Variants in WDR83 observed in about 807,000 individuals in gnomAD.
WDR83 encodes the protein WD repeat domain 83.
WDR83 carries 37 observed loss-of-function variants against 37.7 expected under a neutral mutation model. The observed-to-expected ratio is 0.98, with a 90% CI of 0.76 to 1.29. WDR83 has a LOEUF of 1.29. WDR83 is among the 50% of genes most tolerant of loss of function. WDR83 has a pLI of 0.00. For missense variants in WDR83, 445 were observed against 414.4 expected (o/e 1.07, Z -0.64); for synonymous variants, 174 against 181.1 (o/e 0.96, Z 0.31).
intron 2 of WDR83, chr19:12,669,403 T>G: frequency 5.6e-6 from 9 of 1,595,848 alleles, no homozygotes; most frequent in Non-Finnish European, 6.8e-6. Flanking sequence ...TTAGTGGACA[T>G]AGCGAGTCGA....
At chr19:12,669,696 G>C (rs142536089) in intron 2 of WDR83, 59 bp from the exon 3 acceptor site, 79 of 1,319,868 alleles carry the variant, frequency 6.0e-5, no homozygotes, top group Middle Eastern at 5.8e-4. Flanking sequence ...AGGTCAGGAA[G>C]AACAATAATA....
rs200272266 is a variant in WDR83 at position 12,673,082 on chromosome 19, C to G, written c.649C>G (p.Leu217Val). 6.2e-7 allele frequency: 1 copy of G among 1,613,396 alleles called. No homozygotes were observed. The highest frequency in any genetic ancestry group is 1.7e-5 in the Admixed American group (1 of 59,970). Reference sequence around the variant, plus strand: ...GTCCAGCCTGGACTCCACATTGCGGCTCCTGGACAAAGACACAGGGGAGCT... The same window carrying G: ...GTCCAGCCTGGACTCCACATTGCGGGTCCTGGACAAAGACACAGGGGAGCT... ...LVSSLDSTLR[L>V]LDKDTGELLG... The change falls in exon 9 of 11, where the codon CTC (leucine) becomes GTC (valine). Residue 217 changes from leucine to valine, a missense_variant. Leu to Val is a conservative substitution (Grantham distance 32). Transcript: ENST00000418543.
intron 2 of WDR83, chr19:12,669,397 T>A: frequency 6.3e-7 from 1 of 1,598,090 alleles, no homozygotes; most frequent in Non-Finnish European, 8.5e-7. Flanking sequence ...ATATTGTTAG[T>A]GGACATAGCG....
intron 10 of WDR83, among the ~76,000 whole-genome samples, chr19:12,675,227 G>A (rs1011516597): frequency 5.3e-5 from 8 of 152,176 alleles, no homozygotes; most frequent in African/African-American, 1.9e-4. Context: ...AGGAGTTCGA[G>A]ACCAGCCTGG....
chr19:12,673,413 T>A (rs2024481338), intron 10 of WDR83, 97 bp downstream of exon 10: 28 of 310,910 alleles, frequency 9.0e-5, no homozygotes, highest in East Asian at 2.1e-4. Context: ...CTAGGATCTT[T>A]TTTTTTTTTT....
rs1484159476 is a variant in WDR83 at position 12,669,779 on chromosome 19, A to C, written c.-12A>C. On this transcript the variant is annotated 5_prime_UTR_variant, in exon 3 of 11. Transcript: ENST00000418543. ...GACCGATTTAAGGCTGCAAGGAAGG[A>C]GTCCTGGGAGCATGGCTTTCCCTGA... 2 of 1,577,310 alleles carry C rather than the reference A, an allele frequency of 1.3e-6. No individual in the cohort carries two copies. Among genetic ancestry groups the C allele is most frequent in the African/African-American group, 2.7e-5 (2 of 73,290 alleles).
At position 12,670,799 on chromosome 19, in the gene WDR83, T is replaced by G; in HGVS notation, c.484T>G (p.Ser162Ala). The part of the protein sequence containing the change: ...ARDGVSSVKV[S>A]DHEILAGSVD... ...AGATGGCGTGTCCAGTGTGAAGGTG[T>G]CAGACCACGAGATCCTGGCAGGGTG... Residue 162 changes from serine to alanine, a missense_variant, in exon 7 of 11, where the codon TCA becomes GCA. Physicochemically the swap from Ser to Ala is moderately conservative, Grantham distance 99. Transcript: ENST00000418543. 6.2e-7 allele frequency: 1 copy of G among 1,613,746 alleles called. No homozygotes were observed. Among genetic ancestry groups the G allele is most frequent in the Non-Finnish European group, 8.5e-7 (1 of 1,179,886 alleles).
At chr19:12,667,450 CGGG>C (rs1568310362) in intron 1 of WDR83, among the ~76,000 whole-genome samples, 2 of 152,014 alleles carry the variant, frequency 1.3e-5, no homozygotes, top group African/African-American at 2.4e-5. Context: ...TTTGTAGAGA[CGGG>C]TTTGAAAACA....
At chr19:12,673,412 T>TA in intron 10 of WDR83, 96 bp downstream of exon 10, 3 of 168,358 alleles carry the variant, frequency 1.8e-5, no homozygotes, top group Non-Finnish European at 9.4e-6. Context: ...GCTAGGATCT[T>TA]TTTTTTTTTT....
chr19:12,672,004 A>G (rs10406655), intron 7 of WDR83, among the ~76,000 whole-genome samples: 15,713 of 152,238 alleles, frequency 0.1, 2,353 homozygotes, highest in African/African-American at 0.33. Context: ...TGGAAAAAAT[A>G]TATTTTCTAT....
In WDR83 at chr19:12,669,904, T is replaced by TC. The variant is rs767804853; in HGVS notation, c.103+12dup. 8.1e-6 allele frequency: 13 copies of TC among 1,602,418 alleles called. No homozygotes were observed. The South Asian group carries it at 1.4e-4, about 18-fold the overall frequency. On this transcript the variant is annotated intron_variant, in intron 3 of 10. Transcript: ENST00000418543. ...CCGTACGATTTAATGGTGAGCGCCTTCGTCTTCATTCCGGGTCCTCCTCCC... is the reference window on the plus strand; with the variant it reads ...CCGTACGATTTAATGGTGAGCGCCTTCCGTCTTCATTCCGGGTCCTCCTCCC...
intron 2 of WDR83, chr19:12,669,244 C>T (rs748161723): frequency 8.1e-6 from 13 of 1,613,734 alleles, no homozygotes; most frequent in Non-Finnish European, 8.5e-7. Flanking sequence ...CTGCGACAGG[C>T]TCGAGGGTCA....
At chr19:12,674,754 G>A (rs980012911) in intron 10 of WDR83, among the ~76,000 whole-genome samples, 1 of 152,136 alleles carries the variant, frequency 6.6e-6, no homozygotes, top group African/African-American at 2.4e-5. Flanking sequence ...CAGAAAATCA[G>A]CAGTCTCTGG....
At position 12,668,006 on chromosome 19, in the gene WDR83, C is replaced by T. The variant is rs1599363378; in HGVS notation, c.-156-502C>T. On this transcript the variant is annotated intron_variant, in intron 1 of 10. Coordinates refer to ENST00000418543, the MANE Select transcript of WDR83 (RefSeq NM_001099737.3). ...CTCCAGACTGGGGCCCCACACCAGG[C>T]CTATGGGGCTAGAGCCCTTCCCGCC... The T allele has an allele frequency of 1.2e-5, 3 of 242,764 alleles. No homozygotes were observed. In the East Asian group the frequency reaches 3.0e-4, roughly 24 times the overall value. The allele number at this position is 242,764 out of a possible 1,614,324, so 15.0% of individuals were successfully genotyped here. A position where few individuals can be genotyped will look rare whatever the true frequency, so the allele number is the denominator to read the frequency against.
chr19:12,670,939 C>T, intron 7 of WDR83, 118 bp downstream of exon 7: 1 of 1,454,540 alleles, frequency 6.9e-7, no homozygotes, highest in South Asian at 1.3e-5. Flanking sequence ...GTAATCCCAG[C>T]TACTTGGGAG....
chr19:12,670,126 G>T lies in WDR83; in HGVS notation c.224+29G>T, dbSNP rs777998577. 4 of 1,606,864 alleles carry T rather than the reference G, an allele frequency of 2.5e-6. No homozygotes were observed. The South Asian group carries it at 3.3e-5, about 13-fold the overall frequency. Reference sequence around the variant, plus strand: ...AGCCGGGGACCAGGCTGGGATGGGAGCGCTGAGGCTGGGATCCGAGGTCGA... The same window carrying T: ...AGCCGGGGACCAGGCTGGGATGGGATCGCTGAGGCTGGGATCCGAGGTCGA... On this transcript the variant is annotated intron_variant, in intron 4 of 10. Coordinates refer to ENST00000418543, the MANE Select transcript of WDR83 (RefSeq NM_001099737.3).
intron 2 of WDR83, chr19:12,669,453 T>G (rs1350215598): frequency 1.3e-6 from 2 of 1,560,930 alleles, no homozygotes; most frequent in Admixed American, 3.8e-5. Context: ...AATCGCAGCT[T>G]CCGGCGTGCA....
chr19:12,670,977 A>G, intron 7 of WDR83, 156 bp downstream of exon 7: 2 of 1,182,710 alleles, frequency 1.7e-6, no homozygotes, highest in East Asian at 2.7e-5. Context: ...ACTTGAGTCC[A>G]AGAGTTCGAG....
intron 10 of WDR83, among the ~76,000 whole-genome samples, chr19:12,674,704 G>A (rs1041346255): frequency 6.6e-6 from 1 of 152,172 alleles, no homozygotes; most frequent in African/African-American, 2.4e-5. Context: ...GCAGGGAACA[G>A]GCAAGCTGTG....
Sources: allele counts gnomAD v4.1 joint callset (sites outside exome capture counted in the v4.1 genomes callset), GRCh38; gene constraint gnomAD v4.1.1; transcripts MANE v1.5; gene names NCBI Gene and HGNC (gene_info 2026-07-23, HGNC 2026-07-21).